Variants in ARID1B observed in about 807,000 individuals in gnomAD.
The protein encoded by ARID1B is AT-rich interaction domain 1B, also known as AT-rich interactive domain-containing protein 1B.
A neutral mutation model predicts 212.3 loss-of-function variants in ARID1B; 30 were observed. The ratio of observed to expected loss-of-function variants is 0.14; its 90% CI spans 0.11 to 0.19. The LOEUF (loss-of-function observed/expected upper bound fraction) is 0.19, where lower values mean the gene tolerates loss of function less well. Among genes scored for constraint, ARID1B ranks in the 10% least tolerant of loss-of-function variants. ARID1B has a pLI of 1.00. For synonymous variants in ARID1B, 1,402 were observed against 1,301.7 expected (o/e 1.08, Z -1.66); for missense variants, 2,891 against 3,204.0 (o/e 0.90, Z 2.36).
chr6:157,024,426 T>G (rs534581974), intron 4 of ARID1B: 3 of 152,366 alleles, frequency 2.0e-5, no homozygotes, highest in African/African-American at 7.2e-5. Flanking sequence ...ATTAAAATGT[T>G]GAAAGGGCTT....
At position 157,201,258 on chromosome 6, in the gene ARID1B, G is replaced by T; in HGVS notation, c.5033G>T (p.Ser1678Ile). ...CCAAATCACATCTCCAGGGCGCCCA[G>T]CCCAGCGTCCTTCCAGCGCTCCCTG... ...SLPNHISRAP[S>I]PASFQRSLEN... Residue 1678 changes from serine (S) to isoleucine (I), a missense_variant, in exon 18 of 20, where the codon AGC (serine) becomes ATC (isoleucine). Ser to Ile is a moderately radical substitution (Grantham distance 142). Transcript: ENST00000636930. This position sits in a 1 kb window ranked among gnomAD's most constrained non-coding sequence, Gnocchi z 5.2. The T allele has an allele frequency of 6.2e-7, 1 of 1,614,082 alleles. No homozygotes were observed. Among genetic ancestry groups the T allele is most frequent in the Non-Finnish European group, 8.5e-7 (1 of 1,180,008 alleles).
intron 4 of ARID1B, among the ~76,000 whole-genome samples, chr6:156,992,961 G>A (rs989200537): frequency 6.6e-6 from 1 of 151,746 alleles, no homozygotes; most frequent in African/African-American, 2.4e-5. Context: ...TTGTAAATCA[G>A]TCTAAAATTC....
intron 5 of ARID1B, among the ~76,000 whole-genome samples, chr6:157,103,852 T>TTTC (rs1786267054): frequency 1.5e-5 from 2 of 137,214 alleles, no homozygotes; most frequent in African/African-American, 5.3e-5. Flanking sequence ...TTTTTTTTTT[T>TTTC]TGAGACAGAG....
chr6:157,063,556 A>C (rs768889862), intron 4 of ARID1B, among the ~76,000 whole-genome samples: 3 of 152,182 alleles, frequency 2.0e-5, no homozygotes, highest in Non-Finnish European at 2.9e-5. Flanking sequence ...ATTCTATTAT[A>C]CCATAAGAAT....
chr6:156,904,719 C>G (rs555616361), intron 3 of ARID1B, among the ~76,000 whole-genome samples: 74 of 152,328 alleles, frequency 4.9e-4, no homozygotes, highest in African/African-American at 1.7e-3. Context: ...CTGAAACTTT[C>G]TGGATGCCAA....
At chr6:157,117,877 C>T (rs796268556) in intron 6 of ARID1B, among the ~76,000 whole-genome samples, 7 of 152,280 alleles carry the variant, frequency 4.6e-5, no homozygotes, top group African/African-American at 1.7e-4. Flanking sequence ...CTGTTCTTCC[C>T]AGATGCATTT....
intron 7 of ARID1B, among the ~76,000 whole-genome samples, chr6:157,140,341 G>T (rs369676501): frequency 1.3e-5 from 2 of 151,944 alleles, no homozygotes. Context: ...GTGGTGGCAC[G>T]CGCCTGTAAT....
At chr6:156,799,172 T>TGAATAATTCATAATATA (rs1554252265) in intron 1 of ARID1B, among the ~76,000 whole-genome samples, 3 of 151,770 alleles carry the variant, frequency 2.0e-5, no homozygotes, top group African/African-American at 7.3e-5. Flanking sequence ...TACTAAGTAT[T>TGAATAATTCATAATATA]GAATAATTAA....
At position 156,996,107 on chromosome 6, in the gene ARID1B, T is replaced by C. The variant is rs182489885; in HGVS notation, c.2247+60531T>C. Among the ~76,000 whole-genome samples, 228 of 152,370 alleles carry C rather than the reference T, an allele frequency of 1.5e-3. 2 individuals are homozygous for C. Among genetic ancestry groups the C allele is most frequent in the Non-Finnish European group, 3.7e-4 (25 of 68,034 alleles). ...GCAAATTCAAGCACTGTGTGAATAA[T>C]AGAAATATCTTCTATCCTCCAAAAT... On this transcript the variant is annotated intron_variant, in intron 4 of 19. Transcript: ENST00000636930.
chr6:157,206,268 A>C lies in ARID1B; in HGVS notation c.5496A>C (p.Lys1832Asn), dbSNP rs1362951381. 6.2e-7 allele frequency: 1 copy of C among 1,614,076 alleles called. No homozygotes were observed. Among genetic ancestry groups the C allele is most frequent in the East Asian group, 2.2e-5 (1 of 44,894 alleles). ...ATGAAGTGGGAGACCCCAGCCAAAAAGCACTTGATCACAACGCAGCAAGGA... is the reference window on the plus strand; with the variant it reads ...ATGAAGTGGGAGACCCCAGCCAAAACGCACTTGATCACAACGCAGCAAGGA... Reference protein sequence around the residue: ...MEYEVGDPSQKALDHNAARKD... With the variant: ...MEYEVGDPSQNALDHNAARKD... Residue 1832 changes from lysine (K) to asparagine (N), a missense_variant, in exon 20 of 20, where the codon AAA becomes AAC. Around this residue, in one of 7 missense-constraint regions of ARID1B, gnomAD observed 332 missense variants for 369.2 expected, o/e 0.90. Coordinates refer to ENST00000636930, the MANE Select transcript of ARID1B (RefSeq NM_001374828.1). This position sits in a 1 kb window ranked among gnomAD's most constrained non-coding sequence, Gnocchi z 6.8.
At chr6:156,787,070 C>A (rs572918802) in intron 1 of ARID1B, among the ~76,000 whole-genome samples, 33 of 151,498 alleles carry the variant, frequency 2.2e-4, no homozygotes, top group Admixed American at 2.0e-3. Context: ...TTCTACCAAT[C>A]AGTTACTGGC....
chr6:156,791,466 T>TTAGGAGG, intron 1 of ARID1B, among the ~76,000 whole-genome samples: 1 of 152,372 alleles, frequency 6.6e-6, no homozygotes, highest in African/African-American at 2.4e-5. Flanking sequence ...AGACAACCCC[T>TTAGGAGG]TACGTGAGCT....
intron 6 of ARID1B, among the ~76,000 whole-genome samples, chr6:157,116,106 A>G (rs960194701): frequency 2.0e-5 from 3 of 152,246 alleles, no homozygotes; most frequent in Non-Finnish European, 4.4e-5. Flanking sequence ...GAAACGGCTT[A>G]TTAATAGGTT....
chr6:156,935,429 T>A, intron 3 of ARID1B, 37 bp from the exon 4 acceptor site: 1 of 1,517,928 alleles, frequency 6.6e-7, no homozygotes, highest in Non-Finnish European at 9.1e-7. Flanking sequence ...CTCATTGAGA[T>A]ATTTATGAAG....
chr6:156,942,318 A>G (rs1388729314), intron 4 of ARID1B: 9 of 152,390 alleles, frequency 5.9e-5, no homozygotes, highest in African/African-American at 1.9e-4. Flanking sequence ...TTCCTGGCTA[A>G]TAGAAAAGTC....
intron 5 of ARID1B, among the ~76,000 whole-genome samples, chr6:157,107,481 G>C (rs1471303075): frequency 6.6e-6 from 1 of 152,146 alleles, no homozygotes; most frequent in Non-Finnish European, 1.5e-5. Flanking sequence ...ACGTTTTTAA[G>C]AAAATGATAG....
Position 157,030,077 on chromosome 6 carries a change from A to C in ARID1B, c.2248-54585A>C, listed in dbSNP as rs1053519257. 2.8e-4 allele frequency among the ~76,000 whole-genome samples: 42 copies of C among 152,182 alleles called. 1 individual carries two copies. The highest frequency in any genetic ancestry group is 2.7e-3 in the Admixed American group (42 of 15,278). On this transcript the variant is annotated intron_variant, in intron 4 of 19. Coordinates refer to ENST00000636930, the MANE Select transcript of ARID1B (RefSeq NM_001374828.1). ...CACCATTTATGTAGCTCATGATTCTACAGTTTGACGATTTGGGCTGGGCTC... is the reference window on the plus strand; with the variant it reads ...CACCATTTATGTAGCTCATGATTCTCCAGTTTGACGATTTGGGCTGGGCTC...
chr6:156,780,814 A>G (rs1342378342), intron 1 of ARID1B, among the ~76,000 whole-genome samples: 1 of 152,234 alleles, frequency 6.6e-6, no homozygotes, highest in Non-Finnish European at 1.5e-5. Context: ...GAATATGCAC[A>G]TTACATATAT....
chr6:156,818,010 C>T (rs1311663307), intron 1 of ARID1B, among the ~76,000 whole-genome samples: 1 of 150,050 alleles, frequency 6.7e-6, no homozygotes, highest in Non-Finnish European at 1.5e-5. Context: ...CTAATTTTGT[C>T]TGTTGTCCTA....
Sources: gnomAD v4.1 joint callset for allele counts (sites outside exome capture counted in the v4.1 genomes callset) on GRCh38, gnomAD v4.1.1 for gene constraint, gnomAD v4.1.1 regional missense constraint, Gnocchi (gnomAD v3.1) non-coding constraint, MANE v1.5 for transcripts, NCBI Gene and HGNC (gene_info 2026-07-23, HGNC 2026-07-21) for gene names.